FSTL4: variants seen among roughly 807,000 people sequenced by gnomAD.
The protein encoded by FSTL4 is follistatin like 4.
In FSTL4, 28 loss-of-function variants were observed where a neutral mutation model predicts 78.2. That is an observed-to-expected ratio of 0.36 (90% CI 0.27 to 0.49). The LOEUF (loss-of-function observed/expected upper bound fraction) is 0.49. FSTL4 is among the 20% of genes least tolerant of loss of function. The probability of loss-of-function intolerance (pLI) is 0.98; values close to 1 mark genes in which losing one functional copy is unlikely to be tolerated. For synonymous variants in FSTL4, 422 were observed against 440.5 expected (o/e 0.96, Z 0.53); for missense variants, 922 against 1,084.9 (o/e 0.85, Z 2.11).
At chr5:133,321,509 C>T (rs1754052239) in intron 4 of FSTL4, among the ~76,000 whole-genome samples, 1 of 152,220 alleles carries the variant, frequency 6.6e-6, no homozygotes, top group Non-Finnish European at 1.5e-5. Flanking sequence ...CACCCCACTC[C>T]TCCCTGGTGC....
At chr5:133,454,015 G>A (rs375450055) in intron 3 of FSTL4, among the ~76,000 whole-genome samples, 3 of 152,116 alleles carry the variant, frequency 2.0e-5, no homozygotes, top group African/African-American at 4.8e-5. Context: ...CTCAATCAGC[G>A]AGTTTTAATT....
the FSTL4 span, among the ~76,000 whole-genome samples, chr5:133,663,719 T>C: frequency 1.3e-5 from 2 of 152,242 alleles, no homozygotes; most frequent in Non-Finnish European, 2.9e-5. Context: ...AAGGAGGCTT[T>C]TCAAGCCAGA....
intron 6 of FSTL4, among the ~76,000 whole-genome samples, chr5:133,264,302 G>T (rs542181544): frequency 6.6e-6 from 1 of 152,186 alleles, no homozygotes; most frequent in Admixed American, 6.5e-5. Context: ...TTCGTATGTT[G>T]GGAGTGGCTG....
chr5:133,650,075 G>T, the FSTL4 span, among the ~76,000 whole-genome samples: 1 of 152,156 alleles, frequency 6.6e-6, no homozygotes, highest in Admixed American at 6.6e-5. Flanking sequence ...AAGATCCCAT[G>T]GCGAGAGAGG....
At chr5:133,727,217 A>G in the FSTL4 span, among the ~76,000 whole-genome samples, 5 of 152,210 alleles carry the variant, frequency 3.3e-5, no homozygotes, top group Non-Finnish European at 5.9e-5. Flanking sequence ...ACTTTGCAAC[A>G]ACAAAGGGCA....
chr5:133,579,000 T>C (rs1037195349), intron 2 of FSTL4, among the ~76,000 whole-genome samples: 5 of 152,204 alleles, frequency 3.3e-5, no homozygotes, highest in Non-Finnish European at 5.9e-5. Context: ...TCACAACAGT[T>C]AGCAGCATGG....
the FSTL4 span, among the ~76,000 whole-genome samples, chr5:133,658,976 T>G: frequency 6.6e-6 from 1 of 152,150 alleles, no homozygotes; most frequent in Non-Finnish European, 1.5e-5. Flanking sequence ...GAACATTGCA[T>G]GCATGATGTT....
chr5:133,462,071 A>G (rs1031957412), intron 3 of FSTL4, among the ~76,000 whole-genome samples: 1 of 152,162 alleles, frequency 6.6e-6, no homozygotes, highest in African/African-American at 2.4e-5. Context: ...ATCTGACCTC[A>G]CCTGAGTCCA....
rs558475272 is a variant in FSTL4, at chr5:133,242,293, G to T, written c.894+7117C>A. The stretch of plus-strand genomic sequence containing the variant: ...CTTGTCCTTGCTTAGTGCAGAGAGT[G>T]CCTTGGAGGGGTAGGCTCCAATCTG... On this transcript the variant is annotated intron_variant, in intron 7 of 15. Coordinates refer to ENST00000265342, the MANE Select transcript of FSTL4 (RefSeq NM_015082.2). Among the ~76,000 whole-genome samples the T allele has an allele frequency of 2.0e-5, 3 of 152,280 alleles. No homozygotes were observed. In the South Asian group the frequency reaches 6.2e-4, roughly 32 times the overall value.
intron 6 of FSTL4, among the ~76,000 whole-genome samples, chr5:133,277,952 A>G (rs1217774457): frequency 6.6e-6 from 1 of 152,174 alleles, no homozygotes; most frequent in Non-Finnish European, 1.5e-5. Context: ...CATTCTTGTG[A>G]CCAGAGCCGT....
At chr5:133,371,224 C>T (rs1042969554) in intron 4 of FSTL4, among the ~76,000 whole-genome samples, 2 of 152,238 alleles carry the variant, frequency 1.3e-5, no homozygotes, top group African/African-American at 4.8e-5. Flanking sequence ...AGCCACACAA[C>T]CTACAAAGGG....
chr5:133,411,619 C>A (rs1391876500), intron 3 of FSTL4, among the ~76,000 whole-genome samples: 1 of 152,156 alleles, frequency 6.6e-6, no homozygotes, highest in African/African-American at 2.4e-5. Context: ...TAGAAGAAAA[C>A]TCCTTAAATA....
the FSTL4 span, among the ~76,000 whole-genome samples, chr5:133,764,052 A>C: frequency 2.0e-5 from 3 of 152,368 alleles, no homozygotes; most frequent in South Asian, 6.2e-4. Context: ...CCCCAGGCTC[A>C]GAGGTAACTG....
chr5:133,228,422 T>A (rs80090220), intron 8 of FSTL4, among the ~76,000 whole-genome samples: 4,402 of 152,144 alleles, frequency 0.029, 156 homozygotes, highest in African/African-American at 0.076. Flanking sequence ...CCAAATTACA[T>A]CATGAAGGTA....
chr5:133,769,219 C>T, the FSTL4 span, among the ~76,000 whole-genome samples: 1 of 152,192 alleles, frequency 6.6e-6, no homozygotes, highest in African/African-American at 2.4e-5. Context: ...CTCACCCAAG[C>T]CCTGCTGAGC....
chr5:133,455,662 C>T (rs1757472904), intron 3 of FSTL4, among the ~76,000 whole-genome samples: 1 of 152,182 alleles, frequency 6.6e-6, no homozygotes, highest in South Asian at 2.1e-4. Flanking sequence ...AGGAAAATCC[C>T]AAGGGAAGTT....
chr5:133,466,944 G>A (rs1757721915), intron 3 of FSTL4, among the ~76,000 whole-genome samples: 1 of 148,150 alleles, frequency 6.7e-6, no homozygotes, highest in South Asian at 2.1e-4. Flanking sequence ...ATGAGTGTGT[G>A]AGTACGAGTG....
At chr5:133,738,266 T>C in the FSTL4 span, among the ~76,000 whole-genome samples, 1 of 152,328 alleles carries the variant, frequency 6.6e-6, no homozygotes, top group East Asian at 1.9e-4. Context: ...GTTTTCTCTC[T>C]GAGGAGCTCA....
chr5:133,372,165 G>C (rs767352028), intron 4 of FSTL4, among the ~76,000 whole-genome samples: 1 of 152,144 alleles, frequency 6.6e-6, no homozygotes, highest in Admixed American at 6.5e-5. Flanking sequence ...TGTTTCTCCC[G>C]CCAGGGAGAT....
Sources: gnomAD v4.1 joint callset for allele counts (sites outside exome capture counted in the v4.1 genomes callset) on GRCh38, gnomAD v4.1.1 for gene constraint, MANE v1.5 for transcripts, NCBI Gene and HGNC (gene_info 2026-07-23, HGNC 2026-07-21) for gene names.